GLI2: variants seen among roughly 807,000 people sequenced by gnomAD.
GLI2 encodes the protein transcription activator GLI2.
A neutral mutation model predicts 78.9 loss-of-function variants in GLI2; 22 were observed. The ratio of observed to expected loss-of-function variants is 0.28; its 90% CI spans 0.20 to 0.40. The LOEUF (loss-of-function observed/expected upper bound fraction) is 0.40. GLI2 is among the 10% of genes least tolerant of loss of function. The probability of loss-of-function intolerance (pLI) is 1.00; values close to 1 mark genes in which losing one functional copy is unlikely to be tolerated. For missense variants in GLI2, 2,097 were observed against 2,213.2 expected (o/e 0.95, Z 1.05); for synonymous variants, 974 against 963.7 (o/e 1.01, Z -0.20).
chr2:120,936,588 G>A (rs572291643), intron 3 of GLI2, among the ~76,000 whole-genome samples: 2 of 152,288 alleles, frequency 1.3e-5, no homozygotes, highest in South Asian at 2.1e-4. Flanking sequence ...AGAGAGTCTC[G>A]CCATGGTTCT....
In GLI2 at chr2:120,927,462, C is replaced by T. The variant is rs1201695981; in HGVS notation, c.250C>T (p.His84Tyr). The stretch of plus-strand genomic sequence containing the variant: ...CGAGCCTCATTCTGTCCACGGTGTG[C>T]ACGGGTAAGTCCTGCCCTCTGCCTG... The part of the protein sequence containing the change: ...HYEPHSVHGV[H>Y]GPPALSGSPV... Residue 84 changes from histidine (H) to tyrosine (Y), a missense_variant, in exon 3 of 14, where the codon CAC becomes TAC. Transcript: ENST00000361492. 6.2e-7 allele frequency: 1 copy of T among 1,605,774 alleles called. No individual in the cohort carries two copies. Among genetic ancestry groups the T allele is most frequent in the Non-Finnish European group, 8.5e-7 (1 of 1,172,406 alleles).
intron 3 of GLI2, among the ~76,000 whole-genome samples, chr2:120,933,860 TGCCC>T (rs1245059163): frequency 9.5e-5 from 13 of 136,396 alleles, no homozygotes; most frequent in Non-Finnish European, 2.0e-4. Flanking sequence ...TGCCCTGCCC[TGCCC>T]TGCCCTGCCC....
chr2:120,865,875 G>T (rs1055482536), intron 2 of GLI2, among the ~76,000 whole-genome samples: 3 of 152,182 alleles, frequency 2.0e-5, no homozygotes, highest in African/African-American at 7.2e-5. Flanking sequence ...GGCAGGCCAG[G>T]CTCTCTCTCT....
intron 1 of GLI2, among the ~76,000 whole-genome samples, chr2:120,745,718 C>T (rs1027510806): frequency 5.3e-5 from 8 of 152,144 alleles, no homozygotes; most frequent in Admixed American, 5.2e-4. Context: ...GCCAGGACTT[C>T]AAGAGTGCAT....
At chr2:120,859,519 A>G (rs940683404) in intron 2 of GLI2, among the ~76,000 whole-genome samples, 2 of 147,356 alleles carry the variant, frequency 1.4e-5, no homozygotes, top group Admixed American at 6.8e-5. Context: ...CAGTGGTGCA[A>G]TCTTGGCTCA....
intron 2 of GLI2, among the ~76,000 whole-genome samples, chr2:120,860,551 G>A (rs552908913): frequency 6.6e-6 from 1 of 152,320 alleles, no homozygotes; most frequent in East Asian, 1.9e-4. Context: ...GAGTGGTCAC[G>A]GGCCACTTTG....
chr2:120,789,804 C>T (rs1684095195), intron 1 of GLI2, among the ~76,000 whole-genome samples: 1 of 152,242 alleles, frequency 6.6e-6, no homozygotes, highest in South Asian at 2.1e-4. Context: ...GGCCCACCAG[C>T]ACTGCCGTAT....
In GLI2 at chr2:120,796,812, A is replaced by G. The variant is rs868792720; in HGVS notation, c.-30-479A>G. Among the ~76,000 whole-genome samples, 14 of 152,234 alleles carry G rather than the reference A, an allele frequency of 9.2e-5. 1 individual carries two copies. Among genetic ancestry groups the G allele is most frequent in the South Asian group, 2.1e-4 (1 of 4,832 alleles). On this transcript the variant is annotated intron_variant, in intron 1 of 13. Coordinates refer to ENST00000361492, the MANE Select transcript of GLI2 (RefSeq NM_001374353.1). The stretch of plus-strand genomic sequence containing the variant: ...GCGTGTGAGTCAATAAAGGATGAAC[A>G]TTTATTGAATGAATGGGTGAAGGAG...
rs538722626 is a variant in GLI2 at position 120,989,144 on chromosome 2, C to T, written c.3179C>T (p.Ala1060Val). The change falls in exon 14 of 14, where the codon GCT becomes GTT. Residue 1060 changes from alanine (A) to valine (V), a missense_variant. Physicochemically the swap from Ala to Val is moderately conservative, Grantham distance 64 (BLOSUM62 0). Transcript: ENST00000361492. ...VQYIKAHASGALDEGTGQVYP... is the reference protein window; with the variant it reads ...VQYIKAHASGVLDEGTGQVYP... Reference sequence around the variant, plus strand: ...TACATCAAGGCGCACGCCAGTGGCGCTCTGGACGAGGGCACCGGGCAGGTG... The same window carrying T: ...TACATCAAGGCGCACGCCAGTGGCGTTCTGGACGAGGGCACCGGGCAGGTG... The T allele has an allele frequency of 5.0e-6, 8 of 1,612,956 alleles. No individual in the cohort carries two copies. Among genetic ancestry groups the T allele is most frequent in the Non-Finnish European group, 6.8e-6 (8 of 1,180,000 alleles).
intron 2 of GLI2, among the ~76,000 whole-genome samples, chr2:120,875,819 G>A (rs1573520120): frequency 6.6e-6 from 1 of 152,010 alleles, no homozygotes; most frequent in South Asian, 2.1e-4. Context: ...AGGTGGGGGG[G>A]CTGGCCTACC....
chr2:120,871,957 C>A (rs1688484547), intron 2 of GLI2, among the ~76,000 whole-genome samples: 1 of 152,180 alleles, frequency 6.6e-6, no homozygotes, highest in African/African-American at 2.4e-5. Context: ...CCAGGGTGAG[C>A]ATGGAGGGAC....
intron 8 of GLI2, chr2:120,972,624 G>A (rs779011975): frequency 2.1e-5 from 11 of 518,558 alleles, no homozygotes; most frequent in South Asian, 9.8e-5. Context: ...GAGAGGTGGC[G>A]CTATGGGAGA....
At chr2:120,981,463 T>C (rs1008770392) in intron 10 of GLI2, among the ~76,000 whole-genome samples, 5 of 152,204 alleles carry the variant, frequency 3.3e-5, no homozygotes, top group African/African-American at 1.2e-4. Context: ...TTCTCCAAAT[T>C]TGTCCTCCTT....
intron 8 of GLI2, chr2:120,972,677 T>C (rs115474778): frequency 6.7e-4 from 348 of 518,834 alleles, no homozygotes; most frequent in African/African-American, 5.7e-3. Context: ...TGTGCAAGTG[T>C]GCAGTCACTG....
chr2:120,963,336 G>A (rs918963169), intron 5 of GLI2, among the ~76,000 whole-genome samples: 3 of 152,248 alleles, frequency 2.0e-5, no homozygotes, highest in Non-Finnish European at 4.4e-5. Flanking sequence ...TGTACAGATG[G>A]GGAAAGAGAG....
intron 2 of GLI2, among the ~76,000 whole-genome samples, chr2:120,852,483 G>A (rs767555276): frequency 2.0e-5 from 3 of 152,188 alleles, no homozygotes; most frequent in Non-Finnish European, 4.4e-5. Context: ...TGTCGTGTCC[G>A]TGCCAATGAA....
chr2:120,875,669 C>T (rs554538122), intron 2 of GLI2, among the ~76,000 whole-genome samples: 1 of 152,272 alleles, frequency 6.6e-6, no homozygotes, highest in Non-Finnish European at 1.5e-5. Context: ...TGTGTTATTA[C>T]CTATAAATTC....
intron 5 of GLI2, among the ~76,000 whole-genome samples, chr2:120,956,306 G>A (rs1258598225): frequency 1.3e-5 from 2 of 152,142 alleles, no homozygotes; most frequent in African/African-American, 4.8e-5. Flanking sequence ...ACTGAGCTGG[G>A]AGGCTATAGG....
chr2:120,913,091 C>T (rs1244228653), intron 2 of GLI2, among the ~76,000 whole-genome samples: 2 of 152,174 alleles, frequency 1.3e-5, no homozygotes, highest in African/African-American at 4.8e-5. Flanking sequence ...AGCTAAGATT[C>T]AAAGGTGAGG....
Sources: allele counts gnomAD v4.1 joint callset (sites outside exome capture counted in the v4.1 genomes callset), GRCh38; gene constraint gnomAD v4.1.1; transcripts MANE v1.5; gene names NCBI Gene and HGNC (gene_info 2026-07-23, HGNC 2026-07-21).